PITRM1: variants seen among roughly 807,000 people sequenced by gnomAD.
PITRM1 encodes presequence protease, mitochondrial.
Under a neutral mutation model 129.9 loss-of-function variants are expected in PITRM1, and 100 were observed. That is an observed-to-expected ratio of 0.77 (90% CI 0.65 to 0.91). The LOEUF (loss-of-function observed/expected upper bound fraction) is 0.91, where lower values mean the gene tolerates loss of function less well. Ranked by LOEUF, PITRM1 falls within the 40% of genes least tolerant of loss-of-function variation. PITRM1 has a pLI of 0.00. For missense variants in PITRM1, 1,471 were observed against 1,318.3 expected, an observed-to-expected ratio of 1.12 and a Z score of -1.79; for synonymous variants, 591 against 508.8, an observed-to-expected ratio of 1.16 and a Z score of -2.17.
intron 14 of PITRM1, 64 bp from the exon 15 acceptor site, chr10:3,151,427 C>T (rs1841508646): frequency 2.1e-6 from 2 of 953,726 alleles, no homozygotes; most frequent in East Asian, 2.6e-5. Context: ...TGCAACTTGT[C>T]TCCTATGTTA....
At chr10:3,158,668 G>C (rs58337104) in intron 10 of PITRM1, among the ~76,000 whole-genome samples, 22,624 of 152,224 alleles carry the variant, frequency 0.15, 1,741 homozygotes, top group Non-Finnish European at 0.17. Flanking sequence ...TGTCCCCTTG[G>C]GGGGACACAA....
intron 23 of PITRM1, among the ~76,000 whole-genome samples, chr10:3,142,617 G>A (rs111718973): frequency 0.033 from 5,087 of 152,338 alleles, 126 homozygotes; most frequent in Middle Eastern, 0.078. Flanking sequence ...CCAGAGTTCG[G>A]AAGAAGGGGC....
chr10:3,158,911 C>T lies in PITRM1; in HGVS notation c.1136+3G>A. The T allele has an allele frequency of 6.2e-7, 1 of 1,612,620 alleles. No individual in the cohort carries two copies. Among genetic ancestry groups the T allele is most frequent in the Non-Finnish European group, 8.5e-7 (1 of 1,179,356 alleles). The stretch of plus-strand genomic sequence containing the variant: ...TACTGATCTAATCTAATCATAAACT[C>T]ACCCAACATCAGGAGAAAAGTCTGT... On this transcript the variant is annotated splice_donor_region_variant and intron_variant, in intron 10 of 26. Transcript: ENST00000224949.
In PITRM1 at chr10:3,140,760, G is replaced by A. The variant is rs767127875; in HGVS notation, c.2698C>T (p.Arg900Ter). ...CCACCATAAGCACCGCCTTTTTCTC[G>A]AATTTCTGTATGCAAGAATTTGGCA... ...MTAKFLHTEIREKGGAYGGGA... is the reference protein window; with the variant it reads ...MTAKFLHTEI Residue 900 changes from arginine (R) to a stop codon, truncating the protein, a stop_gained, in exon 24 of 27, where the codon CGA becomes TGA. Coordinates refer to ENST00000224949, the MANE Select transcript of PITRM1 (RefSeq NM_014889.4). LOFTEE classifies it high-confidence loss of function. 20 of 1,594,586 alleles carry A rather than the reference G, an allele frequency of 1.3e-5. No individual in the cohort carries two copies. The highest frequency in any genetic ancestry group is 2.2e-5 in the East Asian group (1 of 44,494).
At chr10:3,147,373 T>G in intron 19 of PITRM1, 123 bp from the exon 20 acceptor site, 5 of 965,206 alleles carry the variant, frequency 5.2e-6, no homozygotes, top group African/African-American at 1.6e-5. Flanking sequence ...AGTGCACGGC[T>G]TGGGCAGGGC....
At chr10:3,162,158 T>TAA (rs756979093) in intron 7 of PITRM1, among the ~76,000 whole-genome samples, 2 of 61,150 alleles carry the variant, frequency 3.3e-5, no homozygotes, top group African/African-American at 5.4e-5. Flanking sequence ...ACCCTGTCTT[T>TAA]AAAAAAAAAA....
At chr10:3,154,151 GCTT>G in intron 14 of PITRM1, among the ~76,000 whole-genome samples, 1 of 152,306 alleles carries the variant, frequency 6.6e-6, no homozygotes, top group South Asian at 2.1e-4. Context: ...CTGGCACCCG[GCTT>G]CTTTCCCTTT....
rs779824319 is a variant in PITRM1 at position 3,160,157 on chromosome 10, T to C, written c.918+47A>G. The stretch of plus-strand genomic sequence containing the variant: ...CATCAATACCCAGTCCAAGTCCTCA[T>C]GTCAACATATTTACCAGGAAGGACA... On this transcript the variant is annotated intron_variant, in intron 8 of 26. Coordinates refer to ENST00000224949, the MANE Select transcript of PITRM1 (RefSeq NM_014889.4). 5.6e-6 allele frequency: 9 copies of C among 1,602,154 alleles called. No homozygotes were observed. The East Asian group carries it at 1.3e-4, about 24-fold the overall frequency.
intron 23 of PITRM1, chr10:3,141,580 C>T (rs190731349): frequency 1.1e-4 from 47 of 423,586 alleles, no homozygotes; most frequent in Admixed American, 6.0e-4. Flanking sequence ...CCACTGTGAA[C>T]GGTAACATCA....
At position 3,159,420 on chromosome 10, in the gene PITRM1, G is replaced by A. The variant is rs141178443; in HGVS notation, c.1008-378C>T. Among the ~76,000 whole-genome samples, 218 of 152,304 alleles carry A rather than the reference G, an allele frequency of 1.4e-3. 1 individual carries two copies. Among genetic ancestry groups the A allele is most frequent in the African/African-American group, 5.1e-3 (212 of 41,572 alleles). Reference sequence around the variant, plus strand: ...CCCAGAGCCCAAGCCTTCCCTTCCTGAACACCCCCGGGCATGGTTCCGACC... The same window carrying A: ...CCCAGAGCCCAAGCCTTCCCTTCCTAAACACCCCCGGGCATGGTTCCGACC... On this transcript the variant is annotated intron_variant, in intron 9 of 26. Transcript: ENST00000224949.
chr10:3,144,480 G>T (rs1184213254), intron 21 of PITRM1, 114 bp from the exon 22 acceptor site: 2 of 647,602 alleles, frequency 3.1e-6, no homozygotes, highest in Middle Eastern at 2.5e-4. Context: ...TAGGGCAGGT[G>T]TAAGTGTTTT....
At chr10:3,144,470 T>A in intron 21 of PITRM1, 104 bp from the exon 22 acceptor site, 3 of 683,796 alleles carry the variant, frequency 4.4e-6, no homozygotes, top group Non-Finnish European at 7.6e-6. Flanking sequence ...TAACAAGTGT[T>A]AGGGCAGGTG....
intron 7 of PITRM1, among the ~76,000 whole-genome samples, chr10:3,162,864 C>T (rs1842563159): frequency 1.3e-5 from 2 of 152,132 alleles, no homozygotes; most frequent in African/African-American, 4.8e-5. Flanking sequence ...CCTGTGGGAC[C>T]CCGTGCAACA....
chr10:3,151,127 G>A (rs1466275083), intron 15 of PITRM1, 120 bp downstream of exon 15: 8 of 667,388 alleles, frequency 1.2e-5, no homozygotes, highest in Non-Finnish European at 2.2e-5. Flanking sequence ...TGAACGCACA[G>A]GGCTGCTCAA....
intron 1 of PITRM1, among the ~76,000 whole-genome samples, chr10:3,170,893 G>T (rs931798345): frequency 6.6e-6 from 1 of 151,958 alleles, no homozygotes. Context: ...AACCCGGGAA[G>T]TGGAGGCTGC....
intron 7 of PITRM1, among the ~76,000 whole-genome samples, chr10:3,162,050 T>C (rs1192297268): frequency 6.6e-6 from 1 of 151,516 alleles, no homozygotes; most frequent in East Asian, 1.9e-4. Context: ...CGTGCGCCTG[T>C]AGTCCCAGCT....
At chr10:3,161,892 A>C (rs1323458566) in intron 7 of PITRM1, among the ~76,000 whole-genome samples, 2 of 151,538 alleles carry the variant, frequency 1.3e-5, no homozygotes. Context: ...TCTCTTCTCC[A>C]TGTTGGGCGC....
chr10:3,151,268 C>T lies in PITRM1; in HGVS notation c.1717G>A (p.Glu573Lys). 3 of 1,603,270 alleles carry T rather than the reference C, an allele frequency of 1.9e-6. No homozygotes were observed. Among genetic ancestry groups the T allele is most frequent in the Non-Finnish European group, 2.6e-6 (3 of 1,172,962 alleles). Residue 573 changes from glutamate to lysine, a missense_variant, in exon 15 of 27, where the codon GAG becomes AAG. Physicochemically the swap from Glu to Lys is moderately conservative, Grantham distance 56. Transcript: ENST00000224949. Reference sequence around the variant, plus strand: ...TGACCTGTCAGGACCACGTCCAACTCTGTGACAGGTATGGTGGGTTCAATA... The same window carrying T: ...TGACCTGTCAGGACCACGTCCAACTTTGTGACAGGTATGGTGGGTTCAATA... Reference protein sequence around the residue: ...SDIEPTIPVTELDVVLTAGDI... With the variant: ...SDIEPTIPVTKLDVVLTAGDI...
chr10:3,157,483 T>G lies in PITRM1; in HGVS notation c.1299A>C (p.Glu433Asp). 1 of 1,611,414 alleles carries G rather than the reference T, an allele frequency of 6.2e-7. No individual in the cohort carries two copies. The highest frequency in any genetic ancestry group is 8.5e-7 in the Non-Finnish European group (1 of 1,178,622). The change falls in exon 12 of 27, where the codon GAA becomes GAC. Residue 433 changes from glutamate (E) to aspartate (D), a missense_variant. By Grantham distance (45) the Glu-to-Asp change is conservative. Transcript: ENST00000224949. Reference sequence around the variant, plus strand: ...TGGTAGACTGATGTTTCATCTGTATTTCAATTTTATGAAGTAAAGCCTCAA... The same window carrying G: ...TGGTAGACTGATGTTTCATCTGTATGTCAATTTTATGAAGTAAAGCCTCAA... Reference protein sequence around the residue: ...DRIEALLHKIEIQMKHQSTSF... With the variant: ...DRIEALLHKIDIQMKHQSTSF...
Sources: allele counts gnomAD v4.1 joint callset (sites outside exome capture counted in the v4.1 genomes callset), GRCh38; gene constraint gnomAD v4.1.1; transcripts MANE v1.5; gene names NCBI Gene and HGNC (gene_info 2026-07-23, HGNC 2026-07-21).